TXNL1: variants seen among roughly 807,000 people sequenced by gnomAD.
The protein encoded by TXNL1 is thioredoxin like 1, also known as thioredoxin-like protein 1.
Under a neutral mutation model 35.5 loss-of-function variants are expected in TXNL1, and 14 were observed. The observed-to-expected ratio is 0.39, with a 90% confidence interval of 0.26 to 0.62. The LOEUF (loss-of-function observed/expected upper bound fraction) is 0.62, where lower values mean the gene tolerates loss of function less well. Among genes scored for constraint, TXNL1 ranks in the 20% least tolerant of loss-of-function variants. The pLI is 0.47. For missense variants in TXNL1, 263 were observed against 349.7 expected, an observed-to-expected ratio of 0.75 and a Z score of 1.98; for synonymous variants, 110 against 115.5, an observed-to-expected ratio of 0.95 and a Z score of 0.31.
chr18:56,608,759 C>T (rs764833204), intron 7 of TXNL1: 1 of 152,002 alleles, frequency 6.6e-6, no homozygotes, highest in Non-Finnish European at 1.5e-5. Context: ...GAAGCCTGGG[C>T]AACATAGTAA....
intron 1 of TXNL1, among the ~76,000 whole-genome samples, chr18:56,631,603 GC>G (rs2024371837): frequency 6.6e-6 from 1 of 152,110 alleles, no homozygotes; most frequent in South Asian, 2.1e-4. Context: ...ACAGTAAACC[GC>G]TAGCTTTCTA....
In TXNL1 at chr18:56,614,535, C is replaced by G. The variant is rs563024107; in HGVS notation, c.624G>C (p.Glu208Asp). Residue 208 changes from glutamate (E) to aspartate (D), a missense_variant, in exon 6 of 8, where the codon GAG (glutamate) becomes GAC (aspartate). Coordinates refer to ENST00000217515, the MANE Select transcript of TXNL1 (RefSeq NM_004786.3). The stretch of plus-strand genomic sequence containing the variant: ...CTTGAGTTGGTTCACTTCTTTCTGC[C>G]TCTTCAAAATCCATAGATCGGGGTA... Reference protein sequence around the residue: ...INLPRSMDFEEAERSEPTQAL... With the variant: ...INLPRSMDFEDAERSEPTQAL... 1 of 1,613,888 alleles carries G rather than the reference C, an allele frequency of 6.2e-7. No individual in the cohort carries two copies. Among genetic ancestry groups the G allele is most frequent in the South Asian group, 1.1e-5 (1 of 91,072 alleles).
At chr18:56,605,498 C>T (rs546906469) in intron 7 of TXNL1, among the ~76,000 whole-genome samples, 14 of 148,800 alleles carry the variant, frequency 9.4e-5, no homozygotes, top group African/African-American at 3.4e-4. Flanking sequence ...CACCTCATTT[C>T]CTAAGAAGCA....
chr18:56,638,548 A>G lies in TXNL1; in HGVS notation c.-108T>C. 8.6e-7 allele frequency: 1 copy of G among 1,168,610 alleles called. No individual in the cohort carries two copies. The highest frequency in any genetic ancestry group is 1.2e-6 in the Non-Finnish European group (1 of 850,112). The allele number at this position is 1,168,610 out of a possible 1,614,324, so 72.4% of individuals were successfully genotyped here. ...GATGCTCAGGAAGGCCGAGGCCTGGACAGAAGAGGTGGCGACCGCCGAGTC... is the reference window on the plus strand; with the variant it reads ...GATGCTCAGGAAGGCCGAGGCCTGGGCAGAAGAGGTGGCGACCGCCGAGTC... On this transcript the variant is annotated 5_prime_UTR_variant, in exon 1 of 8. Coordinates refer to ENST00000217515, the MANE Select transcript of TXNL1 (RefSeq NM_004786.3).
intron 1 of TXNL1, among the ~76,000 whole-genome samples, chr18:56,629,782 C>A (rs2024342416): frequency 6.6e-6 from 1 of 152,096 alleles, no homozygotes; most frequent in Admixed American, 6.5e-5. Flanking sequence ...ACAATATATC[C>A]ATTCATGAAA....
At chr18:56,607,808 A>G (rs574951476) in intron 7 of TXNL1, among the ~76,000 whole-genome samples, 1 of 152,326 alleles carries the variant, frequency 6.6e-6, no homozygotes, top group South Asian at 2.1e-4. Flanking sequence ...GTGAGCTGAG[A>G]TCGCACCATT....
chr18:56,610,816 G>C, intron 7 of TXNL1, 177 bp downstream of exon 7: 1 of 434,126 alleles, frequency 2.3e-6, no homozygotes, highest in Non-Finnish European at 4.1e-6. Context: ...TACTTTGTTG[G>C]ATATCTAAAA....
At chr18:56,637,369 A>G (rs188812850) in intron 1 of TXNL1, among the ~76,000 whole-genome samples, 4 of 152,328 alleles carry the variant, frequency 2.6e-5, no homozygotes, top group Admixed American at 2.6e-4. Flanking sequence ...AGATGTATAA[A>G]TAACGCCAAG....
intron 3 of TXNL1, among the ~76,000 whole-genome samples, chr18:56,620,698 T>G (rs1258540060): frequency 6.6e-6 from 1 of 152,240 alleles, no homozygotes; most frequent in Non-Finnish European, 1.5e-5. Context: ...AGTCACATGT[T>G]CACCTCTCTA....
intron 7 of TXNL1, among the ~76,000 whole-genome samples, chr18:56,607,161 T>TTGTGTGTGTGTGTGTGTGTG (rs112495608): frequency 1.2e-4 from 17 of 137,614 alleles, no homozygotes; most frequent in African/African-American, 3.5e-4. Flanking sequence ...CTGGGTAATT[T>TTGTGTGTGTGTGTGTGTGTG]TGTGTGTGTG....
At position 56,610,994 on chromosome 18, in the gene TXNL1, C is replaced by T. The variant is rs1419349644; in HGVS notation, c.839G>A (p.Arg280Gln). 1.3e-6 allele frequency: 2 copies of T among 1,584,010 alleles called. No individual in the cohort carries two copies. The highest frequency in any genetic ancestry group is 1.7e-6 in the Non-Finnish European group (2 of 1,162,636). ...VQATNMNDFK[R>Q]VVGKKGESH Reference sequence around the variant, plus strand: ...GAAGTATCATTTAAGCAAACTTACTCGTTTGAAGTCATTCATATTTGTTGC... The same window carrying T: ...GAAGTATCATTTAAGCAAACTTACTTGTTTGAAGTCATTCATATTTGTTGC... Residue 280 changes from arginine to glutamine, a missense_variant and splice_region_variant, in exon 7 of 8, where the codon CGA becomes CAA. Coordinates refer to ENST00000217515, the MANE Select transcript of TXNL1 (RefSeq NM_004786.3).
chr18:56,617,822 G>A (rs2024114732), intron 4 of TXNL1, among the ~76,000 whole-genome samples, 182 bp downstream of exon 4: 1 of 151,828 alleles, frequency 6.6e-6, no homozygotes, highest in Non-Finnish European at 1.5e-5. Flanking sequence ...CCACATACAA[G>A]AACAAAGAAG....
chr18:56,605,130 A>G (rs1019526979), intron 7 of TXNL1: 1 of 152,184 alleles, frequency 6.6e-6, no homozygotes, highest in African/African-American at 2.4e-5. Context: ...TAAAAGGCCA[A>G]TTAAGAAACA....
At chr18:56,617,193 C>T (rs915933379) in intron 4 of TXNL1, among the ~76,000 whole-genome samples, 4 of 152,222 alleles carry the variant, frequency 2.6e-5, no homozygotes, top group Admixed American at 6.5e-5. Flanking sequence ...GTTTATCTGC[C>T]TAAGAAAATA....
chr18:56,619,106 TG>T (rs769637323), intron 3 of TXNL1, among the ~76,000 whole-genome samples: 8 of 147,830 alleles, frequency 5.4e-5, no homozygotes, highest in Non-Finnish European at 8.9e-5. Flanking sequence ...CCCAGCTAAT[TG>T]GGAGGCTGAG....
chr18:56,603,285 T>G (rs906381256), intron 7 of TXNL1, among the ~76,000 whole-genome samples: 7 of 151,832 alleles, frequency 4.6e-5, no homozygotes, highest in African/African-American at 1.4e-4. Flanking sequence ...CACACAGTTT[T>G]TTTTTTTTTT....
At chr18:56,637,485 C>T (rs989303309) in intron 1 of TXNL1, among the ~76,000 whole-genome samples, 1 of 152,200 alleles carries the variant, frequency 6.6e-6, no homozygotes, top group Non-Finnish European at 1.5e-5. Context: ...AATCTTGGTT[C>T]TCAACGCCGA....
intron 1 of TXNL1, among the ~76,000 whole-genome samples, chr18:56,627,746 T>C (rs1430790973): frequency 2.0e-5 from 3 of 151,950 alleles, no homozygotes; most frequent in East Asian, 3.9e-4. Context: ...AGATGGGTTG[T>C]AGATCTAAAT....
At position 56,598,263 on chromosome 18, in the gene TXNL1, A is replaced by C. The variant is rs1053079753; in HGVS notation, c.*4764T>G. On this transcript the variant is annotated 3_prime_UTR_variant, in exon 8 of 8. Coordinates refer to ENST00000217515, the MANE Select transcript of TXNL1 (RefSeq NM_004786.3). ...ACTGGCTTAATACTAGAGACAAAAT[A>C]CTTGTATTACAGCTCACAATCTAGT... 11 of 152,204 alleles carry C rather than the reference A, an allele frequency of 7.2e-5. No individual in the cohort carries two copies. The highest frequency in any genetic ancestry group is 2.7e-4 in the African/African-American group (11 of 41,456). 9.4% of individuals were successfully genotyped at this position (152,204 alleles called of 1,614,324 possible).
Sources: allele counts gnomAD v4.1 joint callset (sites outside exome capture counted in the v4.1 genomes callset), GRCh38; gene constraint gnomAD v4.1.1; transcripts MANE v1.5; gene names NCBI Gene and HGNC (gene_info 2026-07-23, HGNC 2026-07-21).